Variants in WDPCP observed in about 807,000 individuals in gnomAD.
The protein encoded by WDPCP is WD repeat containing planar cell polarity effector, also known as WD repeat-containing and planar cell polarity effector protein fritz homolog.
In WDPCP, 71 loss-of-function variants were observed where a neutral mutation model predicts 93.1. That is an observed-to-expected ratio of 0.76 (90% CI 0.63 to 0.93). The LOEUF (loss-of-function observed/expected upper bound fraction) is 0.93. Ranked by LOEUF, WDPCP falls within the 40% of genes least tolerant of loss-of-function variation. The pLI, the probability that WDPCP is intolerant of heterozygous loss-of-function variation, is 0.00. For synonymous variants in WDPCP, 315 were observed against 315.0 expected, an observed-to-expected ratio of 1.00 and a Z score of 0.00; for missense variants, 844 against 887.4, an observed-to-expected ratio of 0.95 and a Z score of 0.62.
chr2:63,270,531 C>T (rs1682552395), intron 13 of WDPCP, among the ~76,000 whole-genome samples: 1 of 152,066 alleles, frequency 6.6e-6, no homozygotes, highest in African/African-American at 2.4e-5. Context: ...CACTCACCAC[C>T]TCCACAAAGA....
chr2:63,272,625 A>G lies in WDPCP; in HGVS notation c.1813-13216T>C, dbSNP rs912568325. Among the ~76,000 whole-genome samples, 9 of 152,374 alleles carry G rather than the reference A, an allele frequency of 5.9e-5. No homozygotes were observed. The East Asian group carries it at 1.7e-3, about 29-fold the overall frequency. ...ACTCATGATCCGAATGAGAAATTCAACAGAGATATCATTTAAAAAATTCTG... is the reference window on the plus strand; with the variant it reads ...ACTCATGATCCGAATGAGAAATTCAGCAGAGATATCATTTAAAAAATTCTG... On this transcript the variant is annotated intron_variant, in intron 13 of 17. Transcript: ENST00000272321.
At chr2:63,621,701 G>A (rs973975991) in intron 3 of WDPCP, among the ~76,000 whole-genome samples, 1 of 152,038 alleles carries the variant, frequency 6.6e-6, no homozygotes, top group African/African-American at 2.4e-5. Flanking sequence ...CTAAAAAGGA[G>A]CAACCCCAAG....
chr2:63,536,772 G>GTTTTTTTT lies in WDPCP; in HGVS notation c.76-43833_76-43832insAAAAAAAA, dbSNP rs1558773850. Among the ~76,000 whole-genome samples, 53 of 35,440 alleles carry GTTTTTTTT rather than the reference G, an allele frequency of 1.5e-3. 1 individual carries two copies. The East Asian group carries it at 0.054, about 36-fold the overall frequency. The allele number at this position is 35,440 out of a possible 152,430, so 23.3% of individuals were successfully genotyped here. A position where few individuals can be genotyped will look rare whatever the true frequency, so the allele number is the denominator to read the frequency against. ...ATGGTAAAAATCTCAGATTCTTCAT[G>GTTTTTTTT]CTTTTTTTTTTTTTTTTGATGGAAT... is the stretch of plus-strand genomic sequence containing the variant. On this transcript the variant is annotated intron_variant, in intron 1 of 17. Coordinates refer to ENST00000272321, the MANE Select transcript of WDPCP (RefSeq NM_015910.7).
chr2:63,798,738 T>C, intron 2 of WDPCP, among the ~76,000 whole-genome samples: 1 of 151,998 alleles, frequency 6.6e-6, no homozygotes, highest in Admixed American at 6.6e-5. Flanking sequence ...ATAATAACAC[T>C]GAACGTAAAT....
intron 2 of WDPCP, among the ~76,000 whole-genome samples, chr2:63,769,986 C>T (rs1033218529): frequency 2.0e-5 from 3 of 151,740 alleles, no homozygotes; most frequent in Admixed American, 6.6e-5. Flanking sequence ...GTAGAGTCCC[C>T]CCAAGACAAA....
intron 9 of WDPCP, among the ~76,000 whole-genome samples, chr2:63,406,927 T>C (rs1047534632): frequency 6.6e-6 from 1 of 152,158 alleles, no homozygotes; most frequent in Non-Finnish European, 1.5e-5. Context: ...CAAAGGGACC[T>C]TTCTGCTTCT....
intron 17 of WDPCP, among the ~76,000 whole-genome samples, chr2:63,146,999 A>G (rs1012503437): frequency 1.3e-5 from 2 of 152,210 alleles, no homozygotes; most frequent in African/African-American, 2.4e-5. Context: ...CTAAGCCTGC[A>G]TAGGTCTAGT....
rs553082501 is a variant in WDPCP at position 63,723,094 on chromosome 2, G to A, written n.309-72256C>T. 2.0e-4 allele frequency among the ~76,000 whole-genome samples: 31 copies of A among 152,040 alleles called. No homozygotes were observed. The East Asian group carries it at 5.0e-3, about 25-fold the overall frequency. ...ACAGATGCTTGAAGGCAGCATGCTCGTTAAGAGTCATCACCACTCCCTAAT... is the reference window on the plus strand; with the variant it reads ...ACAGATGCTTGAAGGCAGCATGCTCATTAAGAGTCATCACCACTCCCTAAT... On this transcript the variant is annotated intron_variant and non_coding_transcript_variant, in intron 2 of 4. Coordinates refer to the WDPCP transcript ENST00000467687.
At chr2:63,661,809 C>T (rs1710229668) in intron 2 of WDPCP, among the ~76,000 whole-genome samples, 1 of 152,200 alleles carries the variant, frequency 6.6e-6, no homozygotes, top group African/African-American at 2.4e-5. Flanking sequence ...GAGCCATCAC[C>T]AAGGCTATCT....
chr2:63,748,990 C>T (rs1314691584), intron 2 of WDPCP, among the ~76,000 whole-genome samples: 4 of 152,000 alleles, frequency 2.6e-5, no homozygotes, highest in South Asian at 2.1e-4. Context: ...TGTGAATTTG[C>T]GCTACAAATC....
chr2:63,159,064 G>A (rs1449114514), intron 15 of WDPCP, among the ~76,000 whole-genome samples: 1 of 151,400 alleles, frequency 6.6e-6, no homozygotes, highest in Non-Finnish European at 1.5e-5. Context: ...GCTGAGGCAG[G>A]AGGATCGCTT....
chr2:63,311,247 T>C (rs1382995100), intron 13 of WDPCP, among the ~76,000 whole-genome samples: 1 of 152,222 alleles, frequency 6.6e-6, no homozygotes, highest in East Asian at 1.9e-4. Context: ...CATGTATAAA[T>C]AGGAATAATC....
chr2:63,222,195 A>G (rs1342193588), intron 14 of WDPCP, among the ~76,000 whole-genome samples: 1 of 152,226 alleles, frequency 6.6e-6, no homozygotes, highest in Admixed American at 6.5e-5. Flanking sequence ...CAACCTTTGT[A>G]ATGTGCCTAT....
chr2:63,363,026 T>C lies in WDPCP; in HGVS notation c.1748+15360A>G, dbSNP rs7605404. On this transcript the variant is annotated intron_variant, in intron 12 of 17. Coordinates refer to ENST00000272321, the MANE Select transcript of WDPCP (RefSeq NM_015910.7). Reference sequence around the variant, plus strand: ...ACAAAGAACAACTTAATTACCACTGTTCACATCTGGATATATATACTTCCA... The same window carrying C: ...ACAAAGAACAACTTAATTACCACTGCTCACATCTGGATATATATACTTCCA... 6.7e-3 allele frequency among the ~76,000 whole-genome samples: 1,019 copies of C among 152,282 alleles called. 12 individuals carry two copies. The highest frequency in any genetic ancestry group is 0.024 in the African/African-American group (978 of 41,552).
intron 15 of WDPCP, among the ~76,000 whole-genome samples, chr2:63,174,254 A>G (rs1268099401): frequency 6.6e-6 from 1 of 152,132 alleles, no homozygotes; most frequent in East Asian, 1.9e-4. Context: ...AGCAAACTGG[A>G]CAGATATCAG....
intron 2 of WDPCP, among the ~76,000 whole-genome samples, chr2:63,759,811 A>G (rs765601623): frequency 2.6e-4 from 39 of 152,244 alleles, no homozygotes; most frequent in Non-Finnish European, 4.4e-4. Flanking sequence ...ACCTCCAGAT[A>G]TACCAGATAC....
At chr2:63,285,521 G>A (rs1333719000) in intron 13 of WDPCP, among the ~76,000 whole-genome samples, 6 of 151,286 alleles carry the variant, frequency 4.0e-5, no homozygotes, top group South Asian at 2.1e-4. Context: ...TTTTGTCTAC[G>A]GGAGACCCAC....
At chr2:63,674,686 G>A (rs1370121156) in intron 2 of WDPCP, among the ~76,000 whole-genome samples, 2 of 150,676 alleles carry the variant, frequency 1.3e-5, no homozygotes, top group African/African-American at 4.9e-5. Context: ...TTGTTAAGGG[G>A]CAGATCTCAT....
intron 2 of WDPCP, among the ~76,000 whole-genome samples, chr2:63,765,249 T>C (rs1169546804): frequency 6.6e-6 from 1 of 152,174 alleles, no homozygotes; most frequent in African/African-American, 2.4e-5. Flanking sequence ...GAGGAGACAT[T>C]TCAGCTGAGA....
Sources: allele counts gnomAD v4.1 joint callset (sites outside exome capture counted in the v4.1 genomes callset), GRCh38; gene constraint gnomAD v4.1.1; transcripts MANE v1.5; gene names NCBI Gene and HGNC (gene_info 2026-07-23, HGNC 2026-07-21).